Variants in MBNL3 observed in about 807,000 individuals in gnomAD.
The protein encoded by MBNL3 is muscleblind like splicing regulator 3.
Under a neutral mutation model 24.5 loss-of-function variants are expected in MBNL3, and 6 were observed. The observed-to-expected ratio is 0.25, with a 90% CI of 0.13 to 0.48. The LOEUF (loss-of-function observed/expected upper bound fraction) is 0.48, where lower values mean the gene tolerates loss of function less well. MBNL3 is among the 20% of genes least tolerant of loss of function. The probability of loss-of-function intolerance (pLI) is 0.99; values close to 1 mark genes in which losing one functional copy is unlikely to be tolerated. For synonymous variants in MBNL3, 100 were observed against 101.7 expected (o/e 0.98, Z 0.10); for missense variants, 230 against 293.5 (o/e 0.78, Z 1.58).
At chrX:132,448,602 T>C (rs768537387) in intron 1 of MBNL3, among the ~76,000 whole-genome samples, 9 of 111,667 alleles carry the variant, frequency 8.1e-5, no homozygotes, top group Non-Finnish European at 1.1e-4. Context: ...CCTAGATTCA[T>C]TGATTTTTTT....
At chrX:132,429,112 A>G (rs1484543309) in intron 2 of MBNL3, among the ~76,000 whole-genome samples, 1 of 112,276 alleles carries the variant, frequency 8.9e-6, no homozygotes, top group Non-Finnish European at 1.9e-5. Flanking sequence ...CCCAATTACA[A>G]CTTGGCCAGG....
rs746443091 is a variant in MBNL3, at chrX:132,470,686, T to C, written c.-704+18165A>G. On this transcript the variant is annotated intron_variant, in intron 1 of 8. Transcript: ENST00000370853. ...CAAACAGTCTTATTCTGTACAAATG[T>C]ATTATTAATCAAATGATGCTTTCCC... Among the ~76,000 whole-genome samples, 8 of 111,924 alleles carry C rather than the reference T, an allele frequency of 7.1e-5. No homozygotes were observed. In the South Asian group the frequency reaches 1.1e-3, roughly 16 times the overall value.
Sources: allele counts gnomAD v4.1 joint callset (sites outside exome capture counted in the v4.1 genomes callset), GRCh38; gene constraint gnomAD v4.1.1; transcripts MANE v1.5; gene names NCBI Gene and HGNC (gene_info 2026-07-23, HGNC 2026-07-21).